Variants in NLGN1 observed in about 807,000 individuals in gnomAD.
NLGN1 encodes neuroligin-1.
In NLGN1, 12 loss-of-function variants were observed where a neutral mutation model predicts 65.5. The observed-to-expected ratio is 0.18, with a 90% CI of 0.12 to 0.30. NLGN1 has a LOEUF of 0.30. Ranked by LOEUF, NLGN1 falls within the 10% of genes least tolerant of loss-of-function variation. The probability of loss-of-function intolerance (pLI) is 1.00; values close to 1 mark genes in which losing one functional copy is unlikely to be tolerated. For synonymous variants in NLGN1, 350 were observed against 359.5 expected (o/e 0.97, Z 0.30); for missense variants, 750 against 1,007.1 (o/e 0.74, Z 3.46).
intron 4 of NLGN1, among the ~76,000 whole-genome samples, chr3:173,940,042 AAC>A (rs1745741513): frequency 1.3e-5 from 2 of 148,246 alleles, no homozygotes; most frequent in Admixed American, 1.3e-4. Flanking sequence ...ATGAAATTAA[AAC>A]TATTCTTTTT....
chr3:173,640,583 A>T (rs1757254493), intron 3 of NLGN1, among the ~76,000 whole-genome samples: 1 of 152,176 alleles, frequency 6.6e-6, no homozygotes, highest in Admixed American at 6.5e-5. Context: ...TAATACAATA[A>T]TCTGATAACA....
intron 2 of NLGN1, among the ~76,000 whole-genome samples, chr3:173,540,277 G>A (rs1026318147): frequency 1.3e-5 from 2 of 152,190 alleles, no homozygotes; most frequent in Admixed American, 6.5e-5. Context: ...TATGGTTCAT[G>A]TGGCAGAGCA....
At chr3:173,519,297 C>T (rs1734370213) in intron 2 of NLGN1, among the ~76,000 whole-genome samples, 1 of 152,212 alleles carries the variant, frequency 6.6e-6, no homozygotes, top group African/African-American at 2.4e-5. Context: ...GGGTGGGAGC[C>T]TCCACAGAGA....
intron 3 of NLGN1, among the ~76,000 whole-genome samples, chr3:173,686,094 C>T (rs993875663): frequency 4.6e-5 from 7 of 151,638 alleles, no homozygotes; most frequent in Admixed American, 2.0e-4. Context: ...GAGTTAAAAC[C>T]CAAGGCAAGA....
chr3:173,633,513 T>A (rs937005519), intron 3 of NLGN1, among the ~76,000 whole-genome samples: 3 of 152,140 alleles, frequency 2.0e-5, no homozygotes, highest in African/African-American at 7.2e-5. Flanking sequence ...ATTTTGTAAG[T>A]TCCTGGAAAG....
rs181040047 is a variant in NLGN1, at chr3:173,499,653, C to A, written c.-321+64575C>A. 7.0e-4 allele frequency among the ~76,000 whole-genome samples: 106 copies of A among 151,888 alleles called. 2 individuals are homozygous for A. The highest frequency in any genetic ancestry group is 2.4e-3 in the African/African-American group (100 of 41,202). On this transcript the variant is annotated intron_variant, in intron 2 of 6. Transcript: ENST00000457714. Reference sequence around the variant, plus strand: ...CTATAAATTACCTCGGGCAGTGTGGCCATTTTCACGATATTGTTTCTTCCT... The same window carrying A: ...CTATAAATTACCTCGGGCAGTGTGGACATTTTCACGATATTGTTTCTTCCT...
intron 4 of NLGN1, among the ~76,000 whole-genome samples, chr3:173,851,358 G>A (rs1211372440): frequency 1.3e-5 from 2 of 152,106 alleles, no homozygotes; most frequent in Non-Finnish European, 2.9e-5. Context: ...AGTCTTTGAT[G>A]TGTATTTCAA....
intron 4 of NLGN1, among the ~76,000 whole-genome samples, chr3:174,154,985 T>TATAA (rs1561175061): frequency 7.3e-6 from 1 of 137,454 alleles, no homozygotes; most frequent in East Asian, 2.1e-4. Flanking sequence ...ATATATTATA[T>TATAA]TATATATTAT....
At chr3:173,692,890 A>C (rs777896848) in intron 3 of NLGN1, among the ~76,000 whole-genome samples, 53 of 152,076 alleles carry the variant, frequency 3.5e-4, no homozygotes, top group Admixed American at 5.9e-4. Flanking sequence ...TTTCCCATTA[A>C]CAGGTACTAT....
Position 174,279,745 on chromosome 3 carries a change from G to A in NLGN1, c.1649+95G>A, listed in dbSNP as rs2152893501. 1 of 705,144 alleles carries A rather than the reference G, an allele frequency of 1.4e-6. No homozygotes were observed. Among genetic ancestry groups the A allele is most frequent in the Non-Finnish European group, 2.4e-6 (1 of 423,580 alleles). 43.7% of individuals were successfully genotyped at this position (705,144 alleles called of 1,614,324 possible). ...TTTATGCCCAGATAATGTCATATTG[G>A]ATTAATACCTGCAAGATATTACATT... On this transcript the variant is annotated intron_variant, in intron 6 of 6. Transcript: ENST00000457714. The surrounding 1 kb of genome is among the most constrained non-coding windows in gnomAD (Gnocchi z 4.7).
intron 4 of NLGN1, among the ~76,000 whole-genome samples, chr3:174,268,301 T>G (rs1370655582): frequency 6.6e-6 from 1 of 152,146 alleles, no homozygotes; most frequent in Non-Finnish European, 1.5e-5. Context: ...AATACCAGGT[T>G]TGTTGTCCAG....
At chr3:173,900,574 T>C (rs1371793342) in intron 4 of NLGN1, among the ~76,000 whole-genome samples, 1 of 152,094 alleles carries the variant, frequency 6.6e-6, no homozygotes, top group African/African-American at 2.4e-5. Context: ...CTCTGTTCTT[T>C]TTAGTTTTTC....
At chr3:173,800,243 C>A in intron 3 of NLGN1, 3 of 650,418 alleles carry the variant, frequency 4.6e-6, no homozygotes, top group South Asian at 2.2e-5. Context: ...CTTGTTTATT[C>A]TTGAATTGTC....
chr3:174,115,278 G>C (rs1716141987), intron 4 of NLGN1, among the ~76,000 whole-genome samples: 1 of 152,122 alleles, frequency 6.6e-6, no homozygotes, highest in Admixed American at 6.5e-5. Flanking sequence ...TTTCCAATGA[G>C]ATTAAATGAG....
intron 1 of NLGN1, chr3:173,399,807 A>G (rs756381766): frequency 1.3e-5 from 2 of 152,230 alleles, no homozygotes; most frequent in Non-Finnish European, 2.9e-5. Context: ...AAATACAGTT[A>G]TAAATCTGAG....
Position 173,912,788 on chromosome 3 carries a change from TTA to T in NLGN1, c.646+104959_646+104960del, listed in dbSNP as rs200046999. ...AAAAGCACAAGTAAAATTATGGACT[TTA>T]TAATATTCTATCACTGTATAAAATA... On this transcript the variant is annotated intron_variant, in intron 4 of 6. Transcript: ENST00000457714. Among the ~76,000 whole-genome samples, 872 of 152,252 alleles carry T rather than the reference TTA, an allele frequency of 5.7e-3. 23 individuals are homozygous for T. Among genetic ancestry groups the T allele is most frequent in the East Asian group, 0.022 (114 of 5,168 alleles).
chr3:174,027,488 AG>A (rs1385416889), intron 4 of NLGN1, among the ~76,000 whole-genome samples: 2 of 152,184 alleles, frequency 1.3e-5, no homozygotes. Context: ...CTTTGGTGCC[AG>A]ATGTATTTCA....
intron 4 of NLGN1, among the ~76,000 whole-genome samples, chr3:174,093,223 A>G (rs1744865181): frequency 6.6e-6 from 1 of 152,226 alleles, no homozygotes; most frequent in Non-Finnish European, 1.5e-5. Flanking sequence ...ATTTTGCAGG[A>G]GAGAAGGAAA....
Position 173,984,497 on chromosome 3 carries a change from C to A in NLGN1, c.646+176665C>A, listed in dbSNP as rs563772789. Reference sequence around the variant, plus strand: ...TTCAAATTATTCTGTCTCTTTCTGTCTTGGAGATTCAAATTACTATGTCTC... The same window carrying A: ...TTCAAATTATTCTGTCTCTTTCTGTATTGGAGATTCAAATTACTATGTCTC... On this transcript the variant is annotated intron_variant, in intron 4 of 6. Transcript: ENST00000457714. 3.7e-3 allele frequency among the ~76,000 whole-genome samples: 562 copies of A among 152,234 alleles called. 11 individuals carry two copies. Among genetic ancestry groups the A allele is most frequent in the Admixed American group, 0.035 (531 of 15,280 alleles).
Sources: allele counts gnomAD v4.1 joint callset (sites outside exome capture counted in the v4.1 genomes callset), GRCh38; gene constraint gnomAD v4.1.1; non-coding constraint Gnocchi (gnomAD v3.1); transcripts MANE v1.5; gene names NCBI Gene and HGNC (gene_info 2026-07-23, HGNC 2026-07-21).